Variants in NIM1K observed in about 807,000 individuals in gnomAD.
NIM1K encodes serine/threonine-protein kinase NIM1.
NIM1K carries 35 observed loss-of-function variants against 37.1 expected under a neutral mutation model. That is an observed-to-expected ratio of 0.94 (90% CI 0.72 to 1.25). The LOEUF (loss-of-function observed/expected upper bound fraction) is 1.25. Among genes scored for constraint, NIM1K ranks in the 50% most tolerant of loss-of-function variants. The pLI, the probability that NIM1K is intolerant of heterozygous loss-of-function variation, is 0.00. For missense variants in NIM1K, 564 were observed against 548.0 expected (o/e 1.03, Z -0.29); for synonymous variants, 234 against 206.6 (o/e 1.13, Z -1.14).
intron 1 of NIM1K, chr5:43,243,065 G>A (rs919250401): frequency 6.6e-6 from 1 of 152,272 alleles, no homozygotes; most frequent in Non-Finnish European, 1.5e-5. Context: ...GCCTCCCAAA[G>A]TGTTGGGATT....
At chr5:43,198,193 T>C (rs1164648433) in intron 1 of NIM1K, among the ~76,000 whole-genome samples, 2 of 57,080 alleles carry the variant, frequency 3.5e-5, no homozygotes, top group South Asian at 7.4e-4. Flanking sequence ...CTTTCTTTCT[T>C]TCTTTCTTTC....
At chr5:43,232,294 A>G in intron 1 of NIM1K, 1 of 1,172,126 alleles carries the variant, frequency 8.5e-7, no homozygotes, top group Non-Finnish European at 1.3e-6. Flanking sequence ...GAAAGCAAGC[A>G]CTGGCAGTCT....
chr5:43,220,804 T>C (rs1319396347), intron 1 of NIM1K, among the ~76,000 whole-genome samples: 1 of 152,210 alleles, frequency 6.6e-6, no homozygotes, highest in Non-Finnish European at 1.5e-5. Context: ...ATGTTAAAAA[T>C]ATGACACATA....
At chr5:43,276,964 G>T in intron 2 of NIM1K, 93 bp from the exon 3 acceptor site, 1 of 1,282,256 alleles carries the variant, frequency 7.8e-7, no homozygotes, top group Non-Finnish European at 1.1e-6. Context: ...GCCACTCTCT[G>T]TCTAGTAAAG....
intron 2 of NIM1K, among the ~76,000 whole-genome samples, chr5:43,265,424 G>A (rs890801445): frequency 1.3e-5 from 2 of 152,112 alleles, no homozygotes; most frequent in African/African-American, 4.8e-5. Context: ...ACTGAAGCTT[G>A]TGCATGCATC....
At chr5:43,221,037 G>A (rs1752373619) in intron 1 of NIM1K, among the ~76,000 whole-genome samples, 1 of 152,136 alleles carries the variant, frequency 6.6e-6, no homozygotes, top group African/African-American at 2.4e-5. Flanking sequence ...ATGAATGAAT[G>A]ATGATCTCCA....
At chr5:43,233,323 A>AAC in intron 1 of NIM1K, 26 of 438,968 alleles carry the variant, frequency 5.9e-5, no homozygotes, top group Non-Finnish European at 8.9e-5. Context: ...AAAAAAAAAA[A>AAC]AAAACTTAAC....
intron 2 of NIM1K, among the ~76,000 whole-genome samples, chr5:43,264,162 G>T (rs537320810): frequency 1.3e-5 from 2 of 152,272 alleles, no homozygotes; most frequent in South Asian, 2.1e-4. Flanking sequence ...CTGAGTTCAA[G>T]TCCTGGATAT....
At chr5:43,267,718 A>G (rs931501557) in intron 2 of NIM1K, among the ~76,000 whole-genome samples, 2 of 152,198 alleles carry the variant, frequency 1.3e-5, no homozygotes, top group African/African-American at 4.8e-5. Context: ...CAAAATTTAT[A>G]CAGGAGCAGA....
At chr5:43,268,568 A>G (rs1753205466) in intron 2 of NIM1K, among the ~76,000 whole-genome samples, 1 of 152,196 alleles carries the variant, frequency 6.6e-6, no homozygotes, top group Non-Finnish European at 1.5e-5. Flanking sequence ...AAAAACCTGA[A>G]AAGATATCTC....
chr5:43,249,044 T>TTTTATTTATTTA (rs58657107), intron 2 of NIM1K, among the ~76,000 whole-genome samples: 12 of 139,190 alleles, frequency 8.6e-5, no homozygotes, highest in African/African-American at 2.2e-4. Flanking sequence ...GCTAGTTTAT[T>TTTTATTTATTTA]TTTATTTATT....
At chr5:43,215,334 C>T (rs2112223429) in intron 1 of NIM1K, among the ~76,000 whole-genome samples, 1 of 152,354 alleles carries the variant, frequency 6.6e-6, no homozygotes, top group Admixed American at 6.5e-5. Flanking sequence ...TGCCTAATTA[C>T]ATTTGCCTTT....
At chr5:43,193,085 G>C (rs1471509813) in intron 1 of NIM1K, 1 of 152,064 alleles carries the variant, frequency 6.6e-6, no homozygotes, top group Non-Finnish European at 1.5e-5. Flanking sequence ...CCTCTTCCTG[G>C]ATATCCCTCC....
intron 2 of NIM1K, among the ~76,000 whole-genome samples, chr5:43,273,514 T>C (rs902674046): frequency 6.6e-6 from 1 of 151,952 alleles, no homozygotes; most frequent in African/African-American, 2.4e-5. Flanking sequence ...CGGCCCAGAG[T>C]GCTCTTTTTA....
At position 43,219,760 on chromosome 5, in the gene NIM1K, G is replaced by A. The variant is rs560065424; in HGVS notation, c.-694-25322G>A. On this transcript the variant is annotated intron_variant, in intron 1 of 3. Coordinates refer to ENST00000326035, the MANE Select transcript of NIM1K (RefSeq NM_153361.4). ...TTTTGAGATGGAGTCTGGCTCTGTC[G>A]CCCACAGGCTGGAGTGCAATGGTGC... is the stretch of plus-strand genomic sequence containing the variant. 4.0e-5 allele frequency among the ~76,000 whole-genome samples: 6 copies of A among 151,464 alleles called. No homozygotes were observed. In the South Asian group the frequency reaches 8.3e-4, roughly 21 times the overall value.
At position 43,229,416 on chromosome 5, in the gene NIM1K, TTA is replaced by T. The variant is rs1752505817; in HGVS notation, c.-694-15665_-694-15664del. ...AAAAAAAAAAAAAAGATTCTTTAAT[TTA>T]ATTTGCCTGAAGGTATAAATAATTG... On this transcript the variant is annotated intron_variant, in intron 1 of 3. Coordinates refer to ENST00000326035, the MANE Select transcript of NIM1K (RefSeq NM_153361.4). Among the ~76,000 whole-genome samples the T allele has an allele frequency of 2.0e-5, 3 of 151,114 alleles. No individual in the cohort carries two copies. In the South Asian group the frequency reaches 6.3e-4, roughly 32 times the overall value.
chr5:43,258,053 C>T (rs1258034146), intron 2 of NIM1K, among the ~76,000 whole-genome samples: 1 of 152,162 alleles, frequency 6.6e-6, no homozygotes, highest in Non-Finnish European at 1.5e-5. Context: ...AGACACAGAA[C>T]ACTTCTGGTA....
At chr5:43,198,205 TTCTCTTTCTTTCTTTCTTTCTTTC>T (rs1215687779) in intron 1 of NIM1K, among the ~76,000 whole-genome samples, 789 of 40,918 alleles carry the variant, frequency 0.019, 13 homozygotes, top group South Asian at 0.058. Context: ...CTTTCTTTCT[TTCTCTTTCTTTCTTTCTTTCTTTC>T]TTTCTTTCTT....
intron 2 of NIM1K, among the ~76,000 whole-genome samples, chr5:43,260,063 T>G (rs1240552388): frequency 6.6e-6 from 1 of 152,182 alleles, no homozygotes; most frequent in Non-Finnish European, 1.5e-5. Context: ...TGTTTTTGTA[T>G]GCTTTGTTGA....
Sources: allele counts gnomAD v4.1 joint callset (sites outside exome capture counted in the v4.1 genomes callset), GRCh38; gene constraint gnomAD v4.1.1; transcripts MANE v1.5; gene names NCBI Gene and HGNC (gene_info 2026-07-23, HGNC 2026-07-21).